MTUS2: variants seen among roughly 807,000 people sequenced by gnomAD.
MTUS2 encodes the protein microtubule-associated tumor suppressor candidate 2.
In MTUS2, 40 loss-of-function variants were observed where a neutral mutation model predicts 114.1. The ratio of observed to expected loss-of-function variants is 0.35; its 90% confidence interval spans 0.27 to 0.46. The LOEUF (loss-of-function observed/expected upper bound fraction) is 0.46, where lower values mean the gene tolerates loss of function less well. Among genes scored for constraint, MTUS2 ranks in the 20% least tolerant of loss-of-function variants. MTUS2 has a pLI of 1.00. For missense variants in MTUS2, 1,679 were observed against 1,705.4 expected (o/e 0.98, Z 0.27); for synonymous variants, 688 against 672.0 (o/e 1.02, Z -0.37).
intron 5 of MTUS2, among the ~76,000 whole-genome samples, chr13:29,237,781 A>G (rs7986674): frequency 0.018 from 2,668 of 152,340 alleles, 84 homozygotes; most frequent in African/African-American, 0.061. Flanking sequence ...AAAAGAAGAC[A>G]TACAAACGGC....
At chr13:29,401,238 G>A (rs556670985) in intron 8 of MTUS2, among the ~76,000 whole-genome samples, 55 of 152,238 alleles carry the variant, frequency 3.6e-4, no homozygotes, top group African/African-American at 1.3e-3. Flanking sequence ...CACCAGCCTC[G>A]GGTGACGCAC....
At chr13:29,271,021 A>G (rs1897863091) in intron 5 of MTUS2, among the ~76,000 whole-genome samples, 1 of 152,268 alleles carries the variant, frequency 6.6e-6, no homozygotes, top group Non-Finnish European at 1.5e-5. Context: ...TGAAAGTAAA[A>G]TTAGAAATTT....
intron 9 of MTUS2, among the ~76,000 whole-genome samples, chr13:29,476,362 G>C (rs1034175685): frequency 7.0e-4 from 1 of 1,436 alleles, no homozygotes; most frequent in Non-Finnish European, 2.5e-3. Context: ...TTGTGGTAGG[G>C]TTTTCATTGT....
intron 2 of MTUS2, among the ~76,000 whole-genome samples, chr13:28,843,633 A>G (rs1433445575): frequency 1.3e-5 from 2 of 152,222 alleles, no homozygotes; most frequent in Non-Finnish European, 2.9e-5. Flanking sequence ...TAGAAACCAT[A>G]TAAGCTTCTT....
At chr13:29,189,320 G>A (rs897776505) in intron 5 of MTUS2, among the ~76,000 whole-genome samples, 1 of 152,054 alleles carries the variant, frequency 6.6e-6, no homozygotes, top group East Asian at 1.9e-4. Flanking sequence ...CCTTTGTTGT[G>A]GACATCTTTT....
intron 2 of MTUS2, among the ~76,000 whole-genome samples, chr13:28,886,613 A>G (rs1878606674): frequency 6.6e-6 from 1 of 151,908 alleles, no homozygotes. Context: ...TTACGGATTA[A>G]GTATGAGAGT....
At chr13:29,136,443 T>C (rs1276102429) in intron 5 of MTUS2, among the ~76,000 whole-genome samples, 3 of 152,152 alleles carry the variant, frequency 2.0e-5, no homozygotes, top group Non-Finnish European at 4.4e-5. Flanking sequence ...TGGTGTCTGG[T>C]CACCCGAATG....
intron 8 of MTUS2, among the ~76,000 whole-genome samples, chr13:29,376,934 C>T (rs1363696406): frequency 2.2e-5 from 3 of 133,544 alleles, no homozygotes; most frequent in African/African-American, 8.4e-5. Flanking sequence ...GGATGGAAAA[C>T]GATGTAACAT....
chr13:29,270,167 T>A (rs1019374826), intron 5 of MTUS2, among the ~76,000 whole-genome samples: 3 of 152,158 alleles, frequency 2.0e-5, no homozygotes, highest in African/African-American at 7.2e-5. Context: ...AAAGCAGGAT[T>A]GCACACTTGC....
chr13:29,082,618 C>T (rs947342879), intron 4 of MTUS2, among the ~76,000 whole-genome samples: 10 of 152,126 alleles, frequency 6.6e-5, no homozygotes, highest in African/African-American at 2.2e-4. Flanking sequence ...CCACGTTTGG[C>T]CCTGTCCTGT....
chr13:29,208,505 A>G (rs953231504), intron 5 of MTUS2, among the ~76,000 whole-genome samples: 27 of 150,504 alleles, frequency 1.8e-4, no homozygotes, highest in African/African-American at 4.9e-4. Context: ...TTGTTTCTCT[A>G]GTTTCTCGAG....
At chr13:29,258,582 T>C (rs1897358418) in intron 5 of MTUS2, among the ~76,000 whole-genome samples, 1 of 152,224 alleles carries the variant, frequency 6.6e-6, no homozygotes, top group East Asian at 1.9e-4. Flanking sequence ...ACACGTGCCT[T>C]GATTACATGT....
intron 4 of MTUS2, among the ~76,000 whole-genome samples, chr13:29,048,980 C>T (rs771603317): frequency 1.2e-4 from 18 of 152,192 alleles, no homozygotes; most frequent in Non-Finnish European, 2.2e-4. Flanking sequence ...TCTGATCATT[C>T]TGGGTTTTGC....
At chr13:29,274,414 C>T (rs1897986011) in intron 5 of MTUS2, among the ~76,000 whole-genome samples, 1 of 152,024 alleles carries the variant, frequency 6.6e-6, no homozygotes, top group Non-Finnish European at 1.5e-5. Flanking sequence ...CTGGCCAACT[C>T]TATGTTTAAC....
At chr13:29,001,781 G>A (rs1328687840) in intron 2 of MTUS2, among the ~76,000 whole-genome samples, 1 of 152,188 alleles carries the variant, frequency 6.6e-6, no homozygotes, top group Admixed American at 6.5e-5. Flanking sequence ...TGGATGATCT[G>A]AGTAGGTCCA....
chr13:29,260,670 A>T (rs1417334342), intron 5 of MTUS2, among the ~76,000 whole-genome samples: 1 of 152,268 alleles, frequency 6.6e-6, no homozygotes. Flanking sequence ...AAGCTAACTC[A>T]GCAGGATTTT....
intron 3 of MTUS2, among the ~76,000 whole-genome samples, chr13:29,030,457 C>T (rs1428172962): frequency 6.6e-6 from 1 of 152,210 alleles, no homozygotes; most frequent in Non-Finnish European, 1.5e-5. Flanking sequence ...GGCCTCTTCT[C>T]AGGTTGCGCT....
intron 6 of MTUS2, among the ~76,000 whole-genome samples, chr13:29,312,215 A>C (rs1376689744): frequency 6.6e-6 from 1 of 152,206 alleles, no homozygotes; most frequent in Non-Finnish European, 1.5e-5. Flanking sequence ...TGCTTGCTAC[A>C]ATATCTTGTC....
At chr13:28,997,466 A>T (rs1885166963) in intron 2 of MTUS2, among the ~76,000 whole-genome samples, 1 of 152,152 alleles carries the variant, frequency 6.6e-6, no homozygotes, top group Admixed American at 6.5e-5. Context: ...TGTCTCGTTG[A>T]TCTGTCTAAT....
Sources: gnomAD v4.1 joint callset for allele counts (sites outside exome capture counted in the v4.1 genomes callset) on GRCh38, gnomAD v4.1.1 for gene constraint, MANE v1.5 for transcripts, NCBI Gene and HGNC (gene_info 2026-07-23, HGNC 2026-07-21) for gene names.